Variants in PLCB4 observed in about 807,000 individuals in gnomAD.
The protein encoded by PLCB4 is 1-phosphatidylinositol 4,5-bisphosphate phosphodiesterase beta-4.
PLCB4 carries 77 observed loss-of-function variants against 178.8 expected under a neutral mutation model. The ratio of observed to expected loss-of-function variants is 0.43; its 90% CI spans 0.36 to 0.52. PLCB4 has a LOEUF of 0.52. Ranked by LOEUF, PLCB4 falls within the 20% of genes least tolerant of loss-of-function variation. The pLI, the probability that PLCB4 is intolerant of heterozygous loss-of-function variation, is 0.00. For missense variants in PLCB4, 1,024 were observed against 1,453.4 expected (o/e 0.70, Z 4.80); for synonymous variants, 496 against 490.8 (o/e 1.01, Z -0.14).
intron 2 of PLCB4, among the ~76,000 whole-genome samples, chr20:9,184,303 T>G (rs1659903094): frequency 6.6e-6 from 1 of 152,178 alleles, no homozygotes; most frequent in Admixed American, 6.5e-5. Flanking sequence ...GTTTTCAAAT[T>G]TTACTTGAGT....
intron 7 of PLCB4, among the ~76,000 whole-genome samples, chr20:9,356,865 C>T (rs1186704569): frequency 6.6e-6 from 1 of 152,116 alleles, no homozygotes; most frequent in African/African-American, 2.4e-5. Context: ...CCTGTAATCC[C>T]AGCACTTTAG....
At chr20:9,331,968 T>C (rs2031733917) in intron 4 of PLCB4, among the ~76,000 whole-genome samples, 2 of 152,182 alleles carry the variant, frequency 1.3e-5, no homozygotes, top group African/African-American at 4.8e-5. Context: ...TTCCTGTCCC[T>C]TTCTAGCCTT....
chr20:9,390,810 G>T (rs1034083803), intron 17 of PLCB4, among the ~76,000 whole-genome samples, 195 bp downstream of exon 17: 20 of 152,148 alleles, frequency 1.3e-4, no homozygotes, highest in African/African-American at 4.8e-4. Flanking sequence ...ATTTCATTTG[G>T]AGGATCTTTG....
chr20:9,263,391 T>C (rs1569037412), intron 3 of PLCB4, among the ~76,000 whole-genome samples: 1 of 152,200 alleles, frequency 6.6e-6, no homozygotes, highest in African/African-American at 2.4e-5. Flanking sequence ...TTTTCTTTTC[T>C]ACCAACAAGA....
At position 9,408,618 on chromosome 20, in the gene PLCB4, G is replaced by C. The variant is rs375429016; in HGVS notation, c.1790-15G>C. On this transcript the variant is annotated splice_polypyrimidine_tract_variant and intron_variant, in intron 22 of 39. Transcript: ENST00000378473. ...TGGCAGAGTTCCTGAATCCATCTTT[G>C]CTTTTCTTTTACAGAACGCAATATT... 7.3e-7 allele frequency: 1 copy of C among 1,363,912 alleles called. No homozygotes were observed. Among genetic ancestry groups the C allele is most frequent in the African/African-American group, 1.4e-5 (1 of 70,294 alleles). The allele number at this position is 1,363,912 out of a possible 1,614,324, so 84.5% of individuals were successfully genotyped here. A position where few individuals can be genotyped will look rare whatever the true frequency, so the allele number is the denominator to read the frequency against.
At chr20:9,274,227 T>A (rs111736489) in intron 3 of PLCB4, among the ~76,000 whole-genome samples, 1 of 152,144 alleles carries the variant, frequency 6.6e-6, no homozygotes, top group African/African-American at 2.4e-5. Context: ...GAAACAGATG[T>A]ACCTGATTTT....
intron 38 of PLCB4, among the ~76,000 whole-genome samples, chr20:9,475,745 G>A (rs1415110450): frequency 6.6e-6 from 1 of 152,170 alleles, no homozygotes; most frequent in Non-Finnish European, 1.5e-5. Flanking sequence ...GGGTGAGAAA[G>A]CTCTCAATTC....
intron 2 of PLCB4, among the ~76,000 whole-genome samples, chr20:9,139,373 T>C (rs2092443420): frequency 6.6e-6 from 1 of 152,110 alleles, no homozygotes; most frequent in African/African-American, 2.4e-5. Context: ...GGGGTTCATA[T>C]GAGCTGGAAT....
chr20:9,137,005 C>T (rs1262654447), intron 2 of PLCB4, among the ~76,000 whole-genome samples: 1 of 151,992 alleles, frequency 6.6e-6, no homozygotes, highest in Non-Finnish European at 1.5e-5. Context: ...TTAAGAGACT[C>T]CCGGGTCTCT....
intron 3 of PLCB4, among the ~76,000 whole-genome samples, chr20:9,246,457 C>A (rs1164521884): frequency 6.6e-6 from 1 of 152,172 alleles, no homozygotes; most frequent in Non-Finnish European, 1.5e-5. Flanking sequence ...AAACACAGTT[C>A]AAGTTAGCTA....
chr20:9,389,084 C>T (rs948337660), intron 15 of PLCB4, among the ~76,000 whole-genome samples: 3 of 152,058 alleles, frequency 2.0e-5, no homozygotes, highest in Non-Finnish European at 2.9e-5. Context: ...TATGATGCTC[C>T]GGTTGTAGAA....
chr20:9,346,523 T>C (rs7265339), intron 7 of PLCB4, among the ~76,000 whole-genome samples: 8,886 of 152,250 alleles, frequency 0.058, 870 homozygotes, highest in African/African-American at 0.2. Flanking sequence ...TCAACAGTTT[T>C]TGAGGCTCAA....
chr20:9,323,906 C>T (rs920800371), intron 4 of PLCB4, among the ~76,000 whole-genome samples: 2 of 152,206 alleles, frequency 1.3e-5, no homozygotes, highest in Non-Finnish European at 2.9e-5. Context: ...CCCCAGTTCT[C>T]CCTGCTCCCT....
intron 25 of PLCB4, among the ~76,000 whole-genome samples, chr20:9,412,791 G>T (rs1341582141): frequency 6.6e-6 from 1 of 152,100 alleles, no homozygotes; most frequent in African/African-American, 2.4e-5. Flanking sequence ...ATCTGCTGGC[G>T]CTCACCTTAC....
intron 21 of PLCB4, among the ~76,000 whole-genome samples, chr20:9,406,649 C>A (rs746476564): frequency 5.3e-5 from 8 of 152,072 alleles, no homozygotes; most frequent in Non-Finnish European, 1.2e-4. Context: ...TGCCTGCCAC[C>A]ATGCCCAGTT....
At chr20:9,151,777 T>A (rs996736999) in intron 2 of PLCB4, among the ~76,000 whole-genome samples, 1 of 152,156 alleles carries the variant, frequency 6.6e-6, no homozygotes, top group Non-Finnish European at 1.5e-5. Flanking sequence ...ACTTTGGAAC[T>A]GGGTAACAGG....
At chr20:9,453,772 A>G (rs1015788939) in intron 33 of PLCB4, among the ~76,000 whole-genome samples, 3 of 152,094 alleles carry the variant, frequency 2.0e-5, no homozygotes, top group African/African-American at 7.2e-5. Context: ...ATACCTCTTT[A>G]CTCTGAGAAT....
At chr20:9,338,192 TG>T in intron 6 of PLCB4, 125 bp downstream of exon 6, 1 of 672,918 alleles carries the variant, frequency 1.5e-6, no homozygotes, top group Non-Finnish European at 2.7e-6. Context: ...ATCTCAGTTT[TG>T]AGAATAGCAT....
At chr20:9,180,807 A>G (rs964725391) in intron 2 of PLCB4, among the ~76,000 whole-genome samples, 3 of 152,228 alleles carry the variant, frequency 2.0e-5, no homozygotes, top group Non-Finnish European at 4.4e-5. Context: ...CTCATTAGAA[A>G]GGAGTTTGGA....
Sources: allele counts gnomAD v4.1 joint callset (sites outside exome capture counted in the v4.1 genomes callset), GRCh38; gene constraint gnomAD v4.1.1; transcripts MANE v1.5; gene names NCBI Gene and HGNC (gene_info 2026-07-23, HGNC 2026-07-21).